DLG1: variants seen among roughly 807,000 people sequenced by gnomAD.
DLG1 encodes disks large homolog 1.
In DLG1, 42 loss-of-function variants were observed where a neutral mutation model predicts 123.4. The observed-to-expected ratio is 0.34, with a 90% CI of 0.27 to 0.44. The LOEUF is 0.44. Among genes scored for constraint, DLG1 ranks in the 20% least tolerant of loss-of-function variants. The pLI is 1.00. For missense variants in DLG1, 942 were observed against 1,082.6 expected, an observed-to-expected ratio of 0.87 and a Z score of 1.82; for synonymous variants, 317 against 356.2, an observed-to-expected ratio of 0.89 and a Z score of 1.24.
chr3:197,170,423 T>C (rs1477416200), intron 5 of DLG1, among the ~76,000 whole-genome samples: 4 of 150,956 alleles, frequency 2.6e-5, no homozygotes, highest in African/African-American at 9.9e-5. Context: ...CAGCATCTCT[T>C]GTTTTGATTT....
intron 3 of DLG1, among the ~76,000 whole-genome samples, chr3:197,291,076 G>A (rs1379745332): frequency 6.6e-6 from 1 of 152,016 alleles, no homozygotes; most frequent in Non-Finnish European, 1.5e-5. Context: ...ATATTTAGAT[G>A]CCTTTACAAC....
intron 6 of DLG1, among the ~76,000 whole-genome samples, chr3:197,145,055 T>TCTCTCACA (rs1553956085): frequency 3.8e-4 from 56 of 148,744 alleles, no homozygotes; most frequent in African/African-American, 1.2e-3. Context: ...TCTCTCTCTC[T>TCTCTCACA]CACACACACA....
chr3:197,059,697 AATGATG>A (rs1364957152), intron 23 of DLG1, among the ~76,000 whole-genome samples, 186 bp downstream of exon 23: 1 of 150,596 alleles, frequency 6.6e-6, no homozygotes, highest in East Asian at 1.9e-4. Context: ...TAGTAATATT[AATGATG>A]ATGATTACAA....
intron 11 of DLG1, among the ~76,000 whole-genome samples, chr3:197,125,805 G>C (rs957800667): frequency 5.3e-5 from 8 of 152,184 alleles, no homozygotes; most frequent in African/African-American, 9.7e-5. Flanking sequence ...ATGAGTAACA[G>C]TGGCAAAACG....
intron 5 of DLG1, among the ~76,000 whole-genome samples, chr3:197,152,931 T>A (rs115246850): frequency 3.7e-4 from 57 of 152,238 alleles, no homozygotes; most frequent in Non-Finnish European, 6.3e-4. Context: ...TTAAAAATCG[T>A]GTTAAAATAC....
intron 4 of DLG1, among the ~76,000 whole-genome samples, chr3:197,279,930 A>C (rs1045630985): frequency 2.0e-5 from 3 of 152,220 alleles, no homozygotes; most frequent in Non-Finnish European, 4.4e-5. Flanking sequence ...TACAATGTGT[A>C]ATGGTCAAAT....
At chr3:197,259,097 C>A (rs1202396287) in intron 4 of DLG1, among the ~76,000 whole-genome samples, 1 of 151,816 alleles carries the variant, frequency 6.6e-6, no homozygotes, top group Non-Finnish European at 1.5e-5. Context: ...GGAAATAAAA[C>A]CAAAATGAAT....
chr3:197,102,416 C>G (rs1337207719), intron 14 of DLG1, among the ~76,000 whole-genome samples: 2 of 152,214 alleles, frequency 1.3e-5, no homozygotes, highest in Non-Finnish European at 2.9e-5. Flanking sequence ...AAGATACTAA[C>G]TGCAAGATGC....
chr3:197,050,374 AAC>A (rs1553863160), intron 24 of DLG1, among the ~76,000 whole-genome samples: 14 of 149,634 alleles, frequency 9.4e-5, no homozygotes, highest in East Asian at 8.0e-4. Flanking sequence ...TTCAAAAAAA[AAC>A]AACAACAAAA....
chr3:197,118,888 T>G (rs571951401), intron 12 of DLG1, among the ~76,000 whole-genome samples: 33 of 152,220 alleles, frequency 2.2e-4, no homozygotes, highest in African/African-American at 7.5e-4. Flanking sequence ...CCTGTAATCT[T>G]AGTACCTAGG....
chr3:197,146,723 T>A (rs1790972749), intron 6 of DLG1, among the ~76,000 whole-genome samples: 1 of 152,172 alleles, frequency 6.6e-6, no homozygotes, highest in African/African-American at 2.4e-5. Flanking sequence ...AAAACCCTTC[T>A]AAACATTGGC....
At chr3:197,272,833 G>C (rs140532139) in intron 4 of DLG1, among the ~76,000 whole-genome samples, 1 of 152,170 alleles carries the variant, frequency 6.6e-6, no homozygotes, top group East Asian at 1.9e-4. Context: ...TGAGGAAGAG[G>C]GGATAGGTAG....
chr3:197,198,135 AAAC>A (rs1319387661), intron 4 of DLG1, among the ~76,000 whole-genome samples: 1 of 58,988 alleles, frequency 1.7e-5, no homozygotes, highest in Non-Finnish European at 4.0e-5. Context: ...AAACAAAACA[AAAC>A]AAAACAAACA....
chr3:197,157,431 C>T lies in DLG1; in HGVS notation c.484-7635G>A, dbSNP rs547162433. Among the ~76,000 whole-genome samples, 9 of 152,080 alleles carry T rather than the reference C, an allele frequency of 5.9e-5. No individual in the cohort carries two copies. The South Asian group carries it at 1.0e-3, about 18-fold the overall frequency. On this transcript the variant is annotated intron_variant, in intron 5 of 24. Coordinates refer to ENST00000667157, the MANE Select transcript of DLG1 (RefSeq NM_001366207.1). The stretch of plus-strand genomic sequence containing the variant: ...AAAACAATTCTGTTTATTATAGCAT[C>T]GAAAAGAACAAATTTTCAGAACACT...
intron 8 of DLG1, among the ~76,000 whole-genome samples, chr3:197,139,321 T>C (rs960332588): frequency 6.6e-6 from 1 of 152,184 alleles, no homozygotes; most frequent in Admixed American, 6.5e-5. Flanking sequence ...ACATGAATGG[T>C]CAAATGATTA....
chr3:197,100,515 T>A (rs1430535199), intron 14 of DLG1, among the ~76,000 whole-genome samples: 2 of 152,208 alleles, frequency 1.3e-5, no homozygotes, highest in South Asian at 2.1e-4. Context: ...TCCAATTTAT[T>A]TCTTTTATGG....
At chr3:197,254,011 C>T (rs1755706598) in intron 4 of DLG1, among the ~76,000 whole-genome samples, 1 of 152,062 alleles carries the variant, frequency 6.6e-6, no homozygotes, top group East Asian at 1.9e-4. Context: ...AAGGCAGACA[C>T]TTACCTAAAC....
chr3:197,167,000 C>T (rs766945988), intron 5 of DLG1, among the ~76,000 whole-genome samples: 3 of 152,038 alleles, frequency 2.0e-5, no homozygotes, highest in Admixed American at 6.5e-5. Context: ...TGTGTGTAGA[C>T]ATCTTGCTGT....
Position 197,136,691 on chromosome 3 carries a change from C to G in DLG1, c.884-13G>C. On this transcript the variant is annotated splice_polypyrimidine_tract_variant and intron_variant, in intron 9 of 24. Transcript: ENST00000667157. Reference sequence around the variant, plus strand: ...CTAAACCCAAGACCTGTTTGGAAAACAGTTCTAGATTCTCATCCATAAATA... The same window carrying G: ...CTAAACCCAAGACCTGTTTGGAAAAGAGTTCTAGATTCTCATCCATAAATA... 6.3e-7 allele frequency: 1 copy of G among 1,595,974 alleles called. No individual in the cohort carries two copies. The highest frequency in any genetic ancestry group is 8.5e-7 in the Non-Finnish European group (1 of 1,174,232).
Sources: allele counts gnomAD v4.1 joint callset (sites outside exome capture counted in the v4.1 genomes callset), GRCh38; gene constraint gnomAD v4.1.1; transcripts MANE v1.5; gene names NCBI Gene and HGNC (gene_info 2026-07-23, HGNC 2026-07-21).